The following ROCK1 variants were observed in gnomAD, a reference collection of about 807,000 sequenced individuals.
ROCK1 encodes rho-associated protein kinase 1.
Under a neutral mutation model 196.8 loss-of-function variants are expected in ROCK1, and 36 were observed. The ratio of observed to expected loss-of-function variants is 0.18; its 90% CI spans 0.14 to 0.24. The LOEUF (loss-of-function observed/expected upper bound fraction) is 0.24. Among genes scored for constraint, ROCK1 ranks in the 10% least tolerant of loss-of-function variants. The pLI is 1.00. For missense variants in ROCK1, 920 were observed against 1,562.0 expected (o/e 0.59, Z 6.93); for synonymous variants, 443 against 515.9 (o/e 0.86, Z 1.91).
At position 20,952,678 on chromosome 18, in the gene ROCK1, G is replaced by A. The variant is rs9955452; in HGVS notation, c.4061+900C>T. Among the ~76,000 whole-genome samples the A allele has an allele frequency of 7.7e-3, 1,165 of 151,692 alleles. 12 individuals are homozygous for A. The highest frequency in any genetic ancestry group is 0.027 in the African/African-American group (1,124 of 41,352). On this transcript the variant is annotated intron_variant, in intron 32 of 32. Coordinates refer to ENST00000399799, the MANE Select transcript of ROCK1 (RefSeq NM_005406.3). The stretch of plus-strand genomic sequence containing the variant: ...TAATCCCCGCTACTTGGGAGGCTGA[G>A]GCTGGAGAATTGCTTGAACTTGGGA...
At chr18:21,047,995 A>G (rs1439560736) in intron 4 of ROCK1, among the ~76,000 whole-genome samples, 2 of 152,210 alleles carry the variant, frequency 1.3e-5, no homozygotes, top group Non-Finnish European at 2.9e-5. Flanking sequence ...ATCCCAATAC[A>G]TAAGACAGAT....
chr18:20,996,636 C>T (rs1052112272), intron 16 of ROCK1, among the ~76,000 whole-genome samples: 6 of 152,064 alleles, frequency 3.9e-5, no homozygotes, highest in Non-Finnish European at 7.4e-5. Flanking sequence ...GGTAAGTACA[C>T]TGAAAAACAC....
At chr18:21,027,505 T>C (rs2035969105) in intron 10 of ROCK1, among the ~76,000 whole-genome samples, 1 of 152,162 alleles carries the variant, frequency 6.6e-6, no homozygotes, top group African/African-American at 2.4e-5. Flanking sequence ...CTAATGGTAA[T>C]AATAGTTAAC....
At chr18:21,106,787 A>G (rs953477304) in intron 1 of ROCK1, among the ~76,000 whole-genome samples, 10 of 152,176 alleles carry the variant, frequency 6.6e-5, no homozygotes, top group Admixed American at 4.6e-4. Flanking sequence ...TTTGCAGACT[A>G]TTTTAGCATT....
At chr18:21,022,988 C>T (rs1419047493) in intron 11 of ROCK1, among the ~76,000 whole-genome samples, 1 of 144,030 alleles carries the variant, frequency 6.9e-6, no homozygotes, top group Non-Finnish European at 1.5e-5. Context: ...AAGCCAGTCA[C>T]ATATGGATAA....
chr18:20,959,384 G>C (rs548648512), intron 29 of ROCK1, among the ~76,000 whole-genome samples: 1 of 148,294 alleles, frequency 6.7e-6, no homozygotes, highest in East Asian at 2.0e-4. Context: ...GCTAATTTTT[G>C]GATTTTTAGT....
chr18:20,953,256 A>G, intron 32 of ROCK1: 1 of 196,758 alleles, frequency 5.1e-6, no homozygotes. Context: ...AAAACAGAAA[A>G]GATGATGAAA....
intron 29 of ROCK1, 164 bp from the exon 30 acceptor site, chr18:20,955,409 T>C (rs1233380918): frequency 2.2e-6 from 2 of 895,800 alleles, no homozygotes; most frequent in Non-Finnish European, 3.2e-6. Flanking sequence ...TCACTACACA[T>C]CTATCAGAGT....
chr18:20,976,899 A>G (rs2035485848), intron 22 of ROCK1, among the ~76,000 whole-genome samples: 1 of 152,202 alleles, frequency 6.6e-6, no homozygotes, highest in Non-Finnish European at 1.5e-5. Flanking sequence ...CATCAACTCA[A>G]CAGCTCTGGT....
intron 16 of ROCK1, among the ~76,000 whole-genome samples, chr18:20,994,893 G>A (rs1198465080): frequency 1.3e-5 from 2 of 152,016 alleles, no homozygotes; most frequent in Non-Finnish European, 2.9e-5. Context: ...CAAACACTAG[G>A]TATCATAATC....
intron 2 of ROCK1, among the ~76,000 whole-genome samples, chr18:21,068,548 A>C (rs947216853): frequency 2.0e-5 from 3 of 152,208 alleles, no homozygotes; most frequent in Non-Finnish European, 4.4e-5. Flanking sequence ...GACTCTATAG[A>C]TCAATTAATT....
chr18:21,007,015 G>A (rs1256318896), intron 14 of ROCK1, among the ~76,000 whole-genome samples: 1 of 152,012 alleles, frequency 6.6e-6, no homozygotes. Flanking sequence ...TCTTACTGTT[G>A]TAAATCTCAA....
intron 9 of ROCK1, among the ~76,000 whole-genome samples, chr18:21,034,198 T>C (rs2036037200): frequency 6.6e-6 from 1 of 152,118 alleles, no homozygotes; most frequent in Non-Finnish European, 1.5e-5. Flanking sequence ...CTGGAAAAGA[T>C]AACATTGTTA....
At chr18:21,106,515 TAACTA>T (rs2036704656) in intron 1 of ROCK1, among the ~76,000 whole-genome samples, 1 of 152,216 alleles carries the variant, frequency 6.6e-6, no homozygotes, top group African/African-American at 2.4e-5. Context: ...TAAATAGACT[TAACTA>T]AACTCCATCC....
intron 12 of ROCK1, among the ~76,000 whole-genome samples, chr18:21,017,694 C>T (rs2035875886): frequency 1.3e-5 from 2 of 151,392 alleles, no homozygotes; most frequent in African/African-American, 2.4e-5. Context: ...TGCAAGTGGC[C>T]GGGCGTGGTG....
chr18:21,031,604 C>CAAAAAA (rs781463990), intron 9 of ROCK1, among the ~76,000 whole-genome samples: 16 of 51,850 alleles, frequency 3.1e-4, no homozygotes, highest in East Asian at 6.2e-4. Flanking sequence ...GACTCCATCT[C>CAAAAAA]AAAAAAAAAA....
In ROCK1 at chr18:21,008,101, C is replaced by T. The variant is rs2035783783; in HGVS notation, c.1504G>A (p.Ala502Thr). 6.2e-7 allele frequency: 1 copy of T among 1,605,602 alleles called. No individual in the cohort carries two copies. Among genetic ancestry groups the T allele is most frequent in the South Asian group, 1.1e-5 (1 of 89,870 alleles). Residue 502 changes from alanine (A) to threonine (T), a missense_variant, in exon 14 of 33, where the codon GCT (alanine) becomes ACT (threonine). Physicochemically the swap from Ala to Thr is moderately conservative, Grantham distance 58. This residue lies in a region of ROCK1 where 520 missense variants were observed against 657.1 expected (regional missense o/e 0.79). Coordinates refer to ENST00000399799, the MANE Select transcript of ROCK1 (RefSeq NM_005406.3). ...CTTCTCTTCTCATTTTCCTGTTCAG[C>T]TTTTCTTTGGTACTCATTAATTCTA... ...QHRINEYQRK[A>T]EQENEKRRNV...
At chr18:21,045,205 TG>T in intron 5 of ROCK1, 86 bp downstream of exon 5, 1 of 1,196,392 alleles carries the variant, frequency 8.4e-7, no homozygotes, top group Non-Finnish European at 1.2e-6. Context: ...GGAAGAAGAA[TG>T]GGTGAACTGA....
chr18:20,978,294 T>C (rs1381189066), intron 22 of ROCK1, among the ~76,000 whole-genome samples: 1 of 151,800 alleles, frequency 6.6e-6, no homozygotes, highest in Non-Finnish European at 1.5e-5. Flanking sequence ...AATGCCATAG[T>C]GGTTAACAAC....
Sources: gnomAD v4.1 joint callset for allele counts (sites outside exome capture counted in the v4.1 genomes callset) on GRCh38, gnomAD v4.1.1 for gene constraint, gnomAD v4.1.1 regional missense constraint, MANE v1.5 for transcripts, NCBI Gene and HGNC (gene_info 2026-07-23, HGNC 2026-07-21) for gene names.